The following CTNND2 variants were observed in gnomAD, a reference collection of about 807,000 sequenced individuals.
CTNND2 encodes the protein catenin delta-2.
Under a neutral mutation model 144.4 loss-of-function variants are expected in CTNND2, and 22 were observed. That is an observed-to-expected ratio of 0.15 (90% confidence interval 0.11 to 0.22). CTNND2 has a LOEUF of 0.22. Ranked by LOEUF, CTNND2 falls within the 10% of genes least tolerant of loss-of-function variation. The pLI, the probability that CTNND2 is intolerant of heterozygous loss-of-function variation, is 1.00. For synonymous variants in CTNND2, 751 were observed against 695.6 expected (o/e 1.08, Z -1.25); for missense variants, 1,353 against 1,618.8 (o/e 0.84, Z 2.82).
At chr5:11,165,568 CTTTCT>C (rs1759236686) in intron 11 of CTNND2, among the ~76,000 whole-genome samples, 2 of 152,146 alleles carry the variant, frequency 1.3e-5, no homozygotes, top group South Asian at 4.1e-4. Flanking sequence ...TTATTAGCAT[CTTTCT>C]TTTATTATTT....
At chr5:11,629,944 C>G (rs953713283) in intron 2 of CTNND2, among the ~76,000 whole-genome samples, 3 of 152,002 alleles carry the variant, frequency 2.0e-5, no homozygotes, top group African/African-American at 7.2e-5. Context: ...ACTTAAAATG[C>G]CTCATTTTAT....
intron 2 of CTNND2, among the ~76,000 whole-genome samples, chr5:11,600,002 A>C (rs1779701174): frequency 6.6e-6 from 1 of 152,188 alleles, no homozygotes; most frequent in Non-Finnish European, 1.5e-5. Context: ...AAATATTGAG[A>C]CCACAAATGG....
chr5:11,890,936 G>A (rs964467124), intron 1 of CTNND2, among the ~76,000 whole-genome samples: 16 of 152,148 alleles, frequency 1.1e-4, no homozygotes, highest in Non-Finnish European at 1.9e-4. Context: ...AGGGTTATAA[G>A]CTAAGGCAAG....
intron 18 of CTNND2, 99 bp downstream of exon 18, chr5:11,017,875 A>G: frequency 1.1e-6 from 1 of 890,490 alleles, no homozygotes; most frequent in Non-Finnish European, 1.8e-6. Context: ...TTGTGTTTCA[A>G]TGACTGAGGC....
At chr5:11,457,651 C>A (rs887308235) in intron 3 of CTNND2, among the ~76,000 whole-genome samples, 1 of 152,120 alleles carries the variant, frequency 6.6e-6, no homozygotes, top group Admixed American at 6.6e-5. Context: ...AGTAGTGCCT[C>A]AGGGTTGTGC....
At chr5:11,442,308 T>C (rs1008363015) in intron 3 of CTNND2, among the ~76,000 whole-genome samples, 18 of 152,190 alleles carry the variant, frequency 1.2e-4, no homozygotes, top group African/African-American at 4.1e-4. Flanking sequence ...CAGATATAGA[T>C]ATATTTTTAG....
chr5:11,393,164 A>C (rs1412370778), intron 6 of CTNND2, among the ~76,000 whole-genome samples: 1 of 152,254 alleles, frequency 6.6e-6, no homozygotes, highest in Non-Finnish European at 1.5e-5. Flanking sequence ...TTAAATAGAT[A>C]AGCCAGATCA....
rs371262927 is a variant in CTNND2 at position 10,992,633 on chromosome 5, G to C, written c.3129C>G (p.Ile1043Met). ...AGTAGGGCCTTTGCCGGTCCCTCTCGATGGTTGAAGACGAGGCTACAAAGT... is the reference window on the plus strand; with the variant it reads ...AGTAGGGCCTTTGCCGGTCCCTCTCCATGGTTGAAGACGAGGCTACAAAGT... Reference protein sequence around the residue: ...QYHFVASSSTIERDRQRPYSS... With the variant: ...QYHFVASSSTMERDRQRPYSS... Residue 1043 changes from isoleucine to methionine, a missense_variant, in exon 19 of 22, where the codon ATC becomes ATG. Around this residue, in one of 4 missense-constraint regions of CTNND2, gnomAD observed 459 missense variants for 674.3 expected, o/e 0.68. Transcript: ENST00000304623. 1 of 1,614,170 alleles carries C rather than the reference G, an allele frequency of 6.2e-7. No homozygotes were observed. The highest frequency in any genetic ancestry group is 2.2e-5 in the East Asian group (1 of 44,874).
At chr5:11,631,775 T>C (rs1168410236) in intron 2 of CTNND2, among the ~76,000 whole-genome samples, 1 of 152,186 alleles carries the variant, frequency 6.6e-6, no homozygotes, top group Non-Finnish European at 1.5e-5. Context: ...TGACTCTGAT[T>C]GGCCTTGCCC....
chr5:11,518,772 T>C (rs764420850), intron 3 of CTNND2, among the ~76,000 whole-genome samples: 39 of 152,292 alleles, frequency 2.6e-4, no homozygotes, highest in South Asian at 8.3e-4. Context: ...CTAGGTGCAA[T>C]AGACTATACC....
intron 2 of CTNND2, among the ~76,000 whole-genome samples, chr5:11,695,430 A>C (rs146729815): frequency 6.6e-6 from 1 of 152,314 alleles, no homozygotes; most frequent in East Asian, 1.9e-4. Flanking sequence ...GAAGCTCAAG[A>C]GTTGAATTAT....
At chr5:11,756,041 G>C (rs1451866268) in intron 1 of CTNND2, among the ~76,000 whole-genome samples, 1 of 151,612 alleles carries the variant, frequency 6.6e-6, no homozygotes, top group Non-Finnish European at 1.5e-5. Flanking sequence ...CCGAGTTCTT[G>C]TTGTGGTCTT....
At chr5:11,564,544 A>T (rs1342884819) in intron 3 of CTNND2, among the ~76,000 whole-genome samples, 1 of 152,188 alleles carries the variant, frequency 6.6e-6, no homozygotes, top group African/African-American at 2.4e-5. Flanking sequence ...ATTATGTATT[A>T]GCAAAAACAA....
chr5:11,230,111 G>A (rs1039923321), intron 10 of CTNND2, among the ~76,000 whole-genome samples: 2 of 148,876 alleles, frequency 1.3e-5, no homozygotes, highest in Admixed American at 6.8e-5. Context: ...GTAAACTATC[G>A]CAAGAACAAA....
At chr5:11,499,746 G>GT (rs1479487036) in intron 3 of CTNND2, among the ~76,000 whole-genome samples, 1 of 149,948 alleles carries the variant, frequency 6.7e-6, no homozygotes, top group Admixed American at 6.6e-5. Flanking sequence ...CAGTTGGTTT[G>GT]TTTAAGTCAG....
chr5:11,020,739 TAA>T (rs59064212), intron 17 of CTNND2, among the ~76,000 whole-genome samples: 1 of 150,660 alleles, frequency 6.6e-6, no homozygotes, highest in Non-Finnish European at 1.5e-5. Flanking sequence ...AGTATATATA[TAA>T]AAAAAGAGAT....
chr5:11,480,694 G>T (rs1261933205), intron 3 of CTNND2, among the ~76,000 whole-genome samples: 1 of 143,178 alleles, frequency 7.0e-6, no homozygotes, highest in African/African-American at 2.5e-5. Context: ...ATAATTAGAG[G>T]TTATAATAGA....
At chr5:11,129,958 T>C (rs776041213) in intron 12 of CTNND2, among the ~76,000 whole-genome samples, 12 of 152,180 alleles carry the variant, frequency 7.9e-5, no homozygotes, top group Non-Finnish European at 1.2e-4. Flanking sequence ...TCTCTCCATA[T>C]GTGTTTTGAA....
intron 7 of CTNND2, among the ~76,000 whole-genome samples, chr5:11,381,835 C>T (rs996577463): frequency 1.1e-4 from 16 of 152,162 alleles, no homozygotes; most frequent in Non-Finnish European, 1.6e-4. Context: ...GGCGTGGTGG[C>T]GGGCACCTGT....
Sources: gnomAD v4.1 joint callset for allele counts (sites outside exome capture counted in the v4.1 genomes callset) on GRCh38, gnomAD v4.1.1 for gene constraint, gnomAD v4.1.1 regional missense constraint, MANE v1.5 for transcripts, NCBI Gene and HGNC (gene_info 2026-07-23, HGNC 2026-07-21) for gene names.